CRYL1: variants seen among roughly 807,000 people sequenced by gnomAD.
CRYL1 encodes the protein lambda-crystallin homolog.
In CRYL1, 29 loss-of-function variants were observed where a neutral mutation model predicts 36.6. That is an observed-to-expected ratio of 0.79 (90% CI 0.59 to 1.08). CRYL1 has a LOEUF of 1.08. Among genes scored for constraint, CRYL1 ranks in the 50% least tolerant of loss-of-function variants. The pLI is 0.00. For missense variants in CRYL1, 411 were observed against 407.9 expected (o/e 1.01, Z -0.06); for synonymous variants, 152 against 151.5 (o/e 1.00, Z -0.02).
At chr13:20,475,467 T>C (rs771264280) in intron 3 of CRYL1, among the ~76,000 whole-genome samples, 1 of 152,138 alleles carries the variant, frequency 6.6e-6, no homozygotes, top group Non-Finnish European at 1.5e-5. Flanking sequence ...CAATCAAAAA[T>C]ATTCCTGAGG....
At chr13:20,487,721 A>G (rs2033428677) in intron 3 of CRYL1, among the ~76,000 whole-genome samples, 1 of 152,068 alleles carries the variant, frequency 6.6e-6, no homozygotes, top group Admixed American at 6.6e-5. Context: ...GGAGGTTGCA[A>G]TGAGCCAAGA....
At chr13:20,462,362 C>G (rs1565972585) in intron 3 of CRYL1, among the ~76,000 whole-genome samples, 1 of 151,480 alleles carries the variant, frequency 6.6e-6, no homozygotes, top group East Asian at 1.9e-4. Flanking sequence ...TGCCTGAAAA[C>G]AGAAACAAAA....
At chr13:20,523,077 C>G (rs759382069) in intron 1 of CRYL1, among the ~76,000 whole-genome samples, 2 of 151,824 alleles carry the variant, frequency 1.3e-5, no homozygotes, top group African/African-American at 4.8e-5. Flanking sequence ...CCACCACGCC[C>G]GGCTAATTTT....
At chr13:20,470,315 T>C (rs1367722233) in intron 3 of CRYL1, among the ~76,000 whole-genome samples, 2 of 151,904 alleles carry the variant, frequency 1.3e-5, no homozygotes, top group African/African-American at 4.8e-5. Context: ...AGAATGTGCT[T>C]CCCCAGAATG....
Position 20,439,671 on chromosome 13 carries a change from G to A in CRYL1, c.360C>T (p.Ser120=), listed in dbSNP as rs2032312048. The A allele has an allele frequency of 5.6e-6, 9 of 1,614,000 alleles. No individual in the cohort carries two copies. The African/African-American group carries it at 6.7e-5, about 12-fold the overall frequency. The change falls in exon 4 of 8, where the codon AGC becomes AGT. Residue 120 remains serine, a synonymous_variant. Coordinates refer to ENST00000298248, the MANE Select transcript of CRYL1 (RefSeq NM_015974.3). ...DSIIDDRVIL[S]SSTSCLMPSK... Reference sequence around the variant, plus strand: ...AAGGCATGAGACAAGAAGTGGAACTGCTTAAGATCACTCGATCATCAATGA... The same window carrying A: ...AAGGCATGAGACAAGAAGTGGAACTACTTAAGATCACTCGATCATCAATGA...
intron 3 of CRYL1, among the ~76,000 whole-genome samples, chr13:20,445,091 T>C (rs1049396351): frequency 2.6e-5 from 4 of 152,134 alleles, no homozygotes; most frequent in Non-Finnish European, 4.4e-5. Context: ...AGAGTGAGTT[T>C]TAAAGAAGAA....
At position 20,516,228 on chromosome 13, in the gene CRYL1, T is replaced by C. The variant is rs376669241; in HGVS notation, c.42-3678A>G. Among the ~76,000 whole-genome samples, 170 of 149,126 alleles carry C rather than the reference T, an allele frequency of 1.1e-3. 4 individuals carry two copies. In the South Asian group the frequency reaches 0.025, roughly 22 times the overall value. On this transcript the variant is annotated intron_variant, in intron 1 of 7. Coordinates refer to ENST00000298248, the MANE Select transcript of CRYL1 (RefSeq NM_015974.3). ...AAAAAAAAAGGCAAATTGTATGTTA[T>C]GTCTATTTTACTATGCTAAATGTGG...
intron 3 of CRYL1, among the ~76,000 whole-genome samples, chr13:20,456,635 CACA>C (rs1177711735): frequency 0.074 from 3,275 of 44,416 alleles, 153 homozygotes; most frequent in African/African-American, 0.22. Context: ...CACACACACA[CACA>C]AAGACCACGA....
At chr13:20,417,541 T>G (rs2031701621) in intron 5 of CRYL1, among the ~76,000 whole-genome samples, 1 of 152,172 alleles carries the variant, frequency 6.6e-6, no homozygotes, top group Non-Finnish European at 1.5e-5. Context: ...AAAAGATTAT[T>G]TAAAAATCAT....
At chr13:20,499,581 A>G (rs1383569529) in intron 2 of CRYL1, among the ~76,000 whole-genome samples, 1 of 149,684 alleles carries the variant, frequency 6.7e-6, no homozygotes, top group African/African-American at 2.5e-5. Flanking sequence ...TGAACCCGAG[A>G]GCAGAGCTTG....
intron 3 of CRYL1, among the ~76,000 whole-genome samples, chr13:20,469,290 C>T (rs1026778999): frequency 6.6e-6 from 1 of 152,214 alleles, no homozygotes; most frequent in East Asian, 1.9e-4. Flanking sequence ...CAAACCTAGG[C>T]TCAACAGTCC....
chr13:20,499,056 A>C (rs940171666), intron 2 of CRYL1, among the ~76,000 whole-genome samples: 3 of 152,224 alleles, frequency 2.0e-5, no homozygotes, highest in African/African-American at 7.2e-5. Flanking sequence ...TGTTAGAATT[A>C]TTTAAGCCGG....
At chr13:20,441,336 C>G (rs963689665) in intron 3 of CRYL1, among the ~76,000 whole-genome samples, 2 of 152,098 alleles carry the variant, frequency 1.3e-5, no homozygotes, top group African/African-American at 4.8e-5. Context: ...AACAAGCATC[C>G]CTGATGATTC....
chr13:20,520,393 T>C (rs2034072071), intron 1 of CRYL1, among the ~76,000 whole-genome samples: 1 of 152,190 alleles, frequency 6.6e-6, no homozygotes, highest in Non-Finnish European at 1.5e-5. Flanking sequence ...TGCTTTGGTC[T>C]GGGGCTAATG....
At chr13:20,426,609 C>T (rs1296199374) in intron 5 of CRYL1, 1 of 769,290 alleles carries the variant, frequency 1.3e-6, no homozygotes, top group Non-Finnish European at 1.6e-6. Flanking sequence ...TAGAGACACA[C>T]AGAGACACAT....
At chr13:20,457,751 C>T (rs1287685433) in intron 3 of CRYL1, among the ~76,000 whole-genome samples, 3 of 152,194 alleles carry the variant, frequency 2.0e-5, no homozygotes, top group African/African-American at 7.2e-5. Context: ...AAAGCTGTGG[C>T]CCACTTTGCT....
intron 2 of CRYL1, among the ~76,000 whole-genome samples, chr13:20,500,606 G>T (rs773183620): frequency 6.6e-6 from 1 of 152,178 alleles, no homozygotes; most frequent in African/African-American, 2.4e-5. Flanking sequence ...ATGTCTTTGT[G>T]AAAGTGGTAG....
intron 4 of CRYL1, 73 bp downstream of exon 4, chr13:20,439,520 A>C: frequency 1.1e-6 from 1 of 921,478 alleles, no homozygotes. Context: ...CCCGCAAAAA[A>C]AAAAAAAAAA....
At chr13:20,467,320 CAT>C (rs1355498399) in intron 3 of CRYL1, among the ~76,000 whole-genome samples, 2 of 152,164 alleles carry the variant, frequency 1.3e-5, no homozygotes, top group East Asian at 3.8e-4. Context: ...GCTGCATAAA[CAT>C]GTAGTAAAAA....
Sources: gnomAD v4.1 joint callset for allele counts (sites outside exome capture counted in the v4.1 genomes callset) on GRCh38, gnomAD v4.1.1 for gene constraint, MANE v1.5 for transcripts, NCBI Gene and HGNC (gene_info 2026-07-23, HGNC 2026-07-21) for gene names.